The following PALM2AKAP2 variants were observed in gnomAD, a reference collection of about 807,000 sequenced individuals.
PALM2AKAP2 encodes the protein PALM2-AKAP2 fusion protein.
PALM2AKAP2 carries 37 observed loss-of-function variants against 71.5 expected under a neutral mutation model. The observed-to-expected ratio is 0.52, with a 90% CI of 0.40 to 0.68. The LOEUF (loss-of-function observed/expected upper bound fraction) is 0.68, where lower values mean the gene tolerates loss of function less well. Ranked by LOEUF, PALM2AKAP2 falls within the 30% of genes least tolerant of loss-of-function variation. The probability of loss-of-function intolerance (pLI) is 0.00; values close to 1 mark genes in which losing one functional copy is unlikely to be tolerated. For synonymous variants in PALM2AKAP2, 468 were observed against 478.8 expected, an observed-to-expected ratio of 0.98 and a Z score of 0.29; for missense variants, 1,224 against 1,191.8, an observed-to-expected ratio of 1.03 and a Z score of -0.40.
chr9:109,794,830 G>A (rs796481187), intron 1 of PALM2AKAP2, among the ~76,000 whole-genome samples: 1 of 152,232 alleles, frequency 6.6e-6, no homozygotes, highest in Non-Finnish European at 1.5e-5. Context: ...TTGGAAGATA[G>A]CAGAGCCATA....
intron 7 of PALM2AKAP2, 130 bp downstream of exon 7, chr9:110,016,169 G>C: frequency 1.1e-6 from 1 of 872,818 alleles, no homozygotes; most frequent in Non-Finnish European, 1.8e-6. Flanking sequence ...TACTCACTGA[G>C]GTCTTAGGGA....
At chr9:110,110,605 G>T (rs545034283) in intron 1 of PALM2AKAP2, among the ~76,000 whole-genome samples, 122 of 143,066 alleles carry the variant, frequency 8.5e-4, no homozygotes, top group Admixed American at 1.2e-3. Context: ...GGAGTGCAGT[G>T]GTACGATCTT....
chr9:109,856,675 T>C (rs920309169), intron 1 of PALM2AKAP2, among the ~76,000 whole-genome samples: 7 of 152,246 alleles, frequency 4.6e-5, no homozygotes, highest in Non-Finnish European at 8.8e-5. Flanking sequence ...GCTTACTCCA[T>C]TTATCTAGGC....
intron 1 of PALM2AKAP2, among the ~76,000 whole-genome samples, chr9:109,866,386 T>A (rs747043507): frequency 1.3e-5 from 2 of 152,172 alleles, no homozygotes; most frequent in Non-Finnish European, 2.9e-5. Flanking sequence ...GTATAGTAAA[T>A]GTCTCAGCAA....
At chr9:109,893,028 G>A (rs1414845003) in intron 3 of PALM2AKAP2, among the ~76,000 whole-genome samples, 1 of 152,156 alleles carries the variant, frequency 6.6e-6, no homozygotes, top group Non-Finnish European at 1.5e-5. Flanking sequence ...AGATTAGCAT[G>A]GCATTCCAGA....
At chr9:110,109,449 C>T (rs1245228545) in intron 1 of PALM2AKAP2, among the ~76,000 whole-genome samples, 1 of 151,920 alleles carries the variant, frequency 6.6e-6, no homozygotes. Context: ...TTGGAGCCCT[C>T]CCGGAAACAC....
chr9:110,124,581 G>C (rs1055823416), intron 1 of PALM2AKAP2, among the ~76,000 whole-genome samples: 3 of 152,284 alleles, frequency 2.0e-5, no homozygotes, highest in African/African-American at 7.2e-5. Context: ...CAGGCAGGGG[G>C]CACTGATAAA....
chr9:109,855,431 T>A (rs1311855307), intron 1 of PALM2AKAP2, among the ~76,000 whole-genome samples: 1 of 152,218 alleles, frequency 6.6e-6, no homozygotes, highest in Non-Finnish European at 1.5e-5. Flanking sequence ...TCATTCATTA[T>A]CAATAAATAC....
At chr9:110,150,541 G>A (rs1836284751) in intron 2 of PALM2AKAP2, among the ~76,000 whole-genome samples, 1 of 152,122 alleles carries the variant, frequency 6.6e-6, no homozygotes, top group Non-Finnish European at 1.5e-5. Context: ...GACCCAACTG[G>A]ATATTTCAGG....
At chr9:110,095,713 C>T (rs1348715171) in intron 1 of PALM2AKAP2, among the ~76,000 whole-genome samples, 1 of 152,184 alleles carries the variant, frequency 6.6e-6, no homozygotes, top group Non-Finnish European at 1.5e-5. Flanking sequence ...TCCATTGCCT[C>T]CTCCCCATCT....
intron 1 of PALM2AKAP2, among the ~76,000 whole-genome samples, chr9:109,728,622 G>T (rs1828509864): frequency 6.6e-6 from 1 of 152,150 alleles, no homozygotes; most frequent in Non-Finnish European, 1.5e-5. Flanking sequence ...GTACTCTCGA[G>T]AATTTTACTT....
intron 1 of PALM2AKAP2, among the ~76,000 whole-genome samples, chr9:109,788,378 A>G (rs1440787531): frequency 1.3e-5 from 2 of 152,210 alleles, no homozygotes; most frequent in Non-Finnish European, 2.9e-5. Flanking sequence ...AGTAGCAGCA[A>G]CTGCCATTTG....
At chr9:109,906,144 C>T (rs1164952555) in intron 3 of PALM2AKAP2, among the ~76,000 whole-genome samples, 1 of 152,136 alleles carries the variant, frequency 6.6e-6, no homozygotes, top group Non-Finnish European at 1.5e-5. Context: ...CCCACCAACC[C>T]CAGCCAATCT....
intron 1 of PALM2AKAP2, among the ~76,000 whole-genome samples, chr9:109,865,096 C>CTTTTTTTTTTTTTTTTTTT (rs58922983): frequency 6.6e-5 from 5 of 75,648 alleles, no homozygotes; most frequent in African/African-American, 1.6e-4. Context: ...CTACTCATTC[C>CTTTTTTTTTTTTTTTTTTT]TTTTTTTTTT....
At chr9:109,691,905 C>G (rs7852592) in intron 1 of PALM2AKAP2, among the ~76,000 whole-genome samples, 1 of 57,274 alleles carries the variant, frequency 1.7e-5, no homozygotes, top group Non-Finnish European at 3.7e-5. Context: ...TATATATACA[C>G]ACACACATAT....
intron 1 of PALM2AKAP2, among the ~76,000 whole-genome samples, chr9:109,764,043 C>A (rs1829104692): frequency 6.6e-6 from 1 of 152,230 alleles, no homozygotes; most frequent in South Asian, 2.1e-4. Context: ...TTTTGGACAG[C>A]CACTATTCAC....
intron 1 of PALM2AKAP2, among the ~76,000 whole-genome samples, chr9:110,054,882 C>T (rs374257858): frequency 3.3e-5 from 5 of 152,226 alleles, no homozygotes; most frequent in African/African-American, 4.8e-5. Flanking sequence ...AGGCATGAGC[C>T]GCCATGTGCT....
chr9:110,139,722 C>T (rs1205163932), intron 2 of PALM2AKAP2, among the ~76,000 whole-genome samples: 1 of 152,182 alleles, frequency 6.6e-6, no homozygotes, highest in Non-Finnish European at 1.5e-5. Flanking sequence ...AAAGAATCTC[C>T]AACCTAAAGA....
intron 1 of PALM2AKAP2, among the ~76,000 whole-genome samples, chr9:109,748,350 T>C (rs1828834286): frequency 6.6e-6 from 1 of 152,042 alleles, no homozygotes; most frequent in Non-Finnish European, 1.5e-5. Context: ...AAAAGGACAC[T>C]AGGGTTTGCA....
Sources: gnomAD v4.1 joint callset for allele counts (sites outside exome capture counted in the v4.1 genomes callset) on GRCh38, gnomAD v4.1.1 for gene constraint, MANE v1.5 for transcripts, NCBI Gene and HGNC (gene_info 2026-07-23, HGNC 2026-07-21) for gene names.